Variants in FRK observed in about 807,000 individuals in gnomAD.
FRK encodes tyrosine-protein kinase FRK.
A neutral mutation model predicts 56.4 loss-of-function variants in FRK; 51 were observed. The ratio of observed to expected loss-of-function variants is 0.90; its 90% confidence interval spans 0.72 to 1.14. FRK has a LOEUF of 1.14. Among genes scored for constraint, FRK ranks in the 50% most tolerant of loss-of-function variants. The pLI, the probability that FRK is intolerant of heterozygous loss-of-function variation, is 0.00. For synonymous variants in FRK, 245 were observed against 217.9 expected (o/e 1.12, Z -1.10); for missense variants, 570 against 601.4 (o/e 0.95, Z 0.55).
Position 116,004,006 on chromosome 6 carries a change from G to T in FRK, c.345-8C>A. 1.2e-6 allele frequency: 2 copies of T among 1,609,838 alleles called. No homozygotes were observed. Among genetic ancestry groups the T allele is most frequent in the Non-Finnish European group, 1.7e-6 (2 of 1,177,368 alleles). On this transcript the variant is annotated splice_region_variant and splice_polypyrimidine_tract_variant and intron_variant, in intron 1 of 7. Coordinates refer to ENST00000606080, the MANE Select transcript of FRK (RefSeq NM_002031.3). The stretch of plus-strand genomic sequence containing the variant: ...ATTGCTCCAAAGAACCACCTAAAAA[G>T]AGAGATATGTAAATGTTAAGTAACC...
At chr6:115,988,808 TATTTG>T (rs1235954604) in intron 2 of FRK, among the ~76,000 whole-genome samples, 2 of 152,022 alleles carry the variant, frequency 1.3e-5, no homozygotes, top group African/African-American at 2.4e-5. Flanking sequence ...TTACATATCT[TATTTG>T]ATTTAAGAAT....
In FRK at chr6:115,940,721, A is replaced by G. The variant is rs1772141464; in HGVS notation, c.*1693T>C. ...AGATATTTATGCAGCCAACAGACAT[A>G]TGAAAAAAAGCTCATCATCTGATCA... On this transcript the variant is annotated 3_prime_UTR_variant, in exon 8 of 8. Transcript: ENST00000606080. The G allele has an allele frequency of 6.6e-6, 1 of 152,208 alleles. No individual in the cohort carries two copies. Among genetic ancestry groups the G allele is most frequent in the Non-Finnish European group, 1.5e-5 (1 of 68,028 alleles). 9.4% of individuals were successfully genotyped at this position (152,208 alleles called of 1,614,324 possible).
intron 1 of FRK, among the ~76,000 whole-genome samples, chr6:116,043,169 C>G (rs1197080242): frequency 6.6e-6 from 1 of 152,110 alleles, no homozygotes; most frequent in African/African-American, 2.4e-5. Context: ...TAATATTAGA[C>G]AGACCAAAAT....
At chr6:116,049,028 G>C (rs1485464255) in intron 1 of FRK, among the ~76,000 whole-genome samples, 1 of 150,986 alleles carries the variant, frequency 6.6e-6, no homozygotes, top group Non-Finnish European at 1.5e-5. Flanking sequence ...ATAACCTCAA[G>C]CCATGGACCT....
the FRK span, among the ~76,000 whole-genome samples, chr6:116,076,149 T>A: frequency 1.3e-5 from 2 of 152,214 alleles, no homozygotes; most frequent in East Asian, 1.9e-4. Context: ...TGTTTCTGTA[T>A]GAGAACTCTC....
chr6:115,977,429 G>A (rs1468093698), intron 2 of FRK, among the ~76,000 whole-genome samples: 8 of 152,096 alleles, frequency 5.3e-5, no homozygotes, highest in African/African-American at 7.2e-5. Context: ...CTCAAAGGGC[G>A]CTTGGCTCCC....
chr6:116,019,941 G>C (rs1331441053), intron 1 of FRK, among the ~76,000 whole-genome samples: 1 of 152,092 alleles, frequency 6.6e-6, no homozygotes, highest in Non-Finnish European at 1.5e-5. Context: ...AGGTAGGCTT[G>C]GTTGCATAAG....
chr6:116,036,722 A>AG (rs1183425462), intron 1 of FRK, among the ~76,000 whole-genome samples: 1 of 152,166 alleles, frequency 6.6e-6, no homozygotes, highest in Non-Finnish European at 1.5e-5. Context: ...AAGGAAAAAA[A>AG]TAATACTTTA....
At chr6:115,981,968 G>A (rs566236078) in intron 2 of FRK, among the ~76,000 whole-genome samples, 1 of 152,218 alleles carries the variant, frequency 6.6e-6, no homozygotes, top group East Asian at 1.9e-4. Context: ...AAAGGTTACT[G>A]TGATGGTTAC....
chr6:116,030,933 T>G (rs897383117), intron 1 of FRK, among the ~76,000 whole-genome samples: 1 of 152,136 alleles, frequency 6.6e-6, no homozygotes, highest in African/African-American at 2.4e-5. Context: ...CCTTAAGCTG[T>G]GCAGTCAGTA....
the FRK span, among the ~76,000 whole-genome samples, chr6:116,096,010 T>C: frequency 2.0e-5 from 3 of 152,354 alleles, no homozygotes; most frequent in Admixed American, 1.3e-4. Flanking sequence ...ATGACAGCCA[T>C]CTTGCCATTA....
the FRK span, among the ~76,000 whole-genome samples, chr6:116,077,564 GATTT>G: frequency 1.3e-5 from 2 of 152,108 alleles, no homozygotes; most frequent in Non-Finnish European, 2.9e-5. Context: ...TCTCTCCTCT[GATTT>G]ATTTAAACTG....
At chr6:115,984,151 T>A (rs1774307159) in intron 2 of FRK, among the ~76,000 whole-genome samples, 1 of 152,066 alleles carries the variant, frequency 6.6e-6, no homozygotes, top group Admixed American at 6.6e-5. Flanking sequence ...GCATCCACTG[T>A]GTATCTACCT....
intron 1 of FRK, among the ~76,000 whole-genome samples, chr6:116,031,396 A>T (rs1582735006): frequency 6.6e-6 from 1 of 152,292 alleles, no homozygotes; most frequent in South Asian, 2.1e-4. Flanking sequence ...TTATAACATA[A>T]CATATTACTT....
At chr6:116,011,587 T>C (rs1775470476) in intron 1 of FRK, among the ~76,000 whole-genome samples, 1 of 152,144 alleles carries the variant, frequency 6.6e-6, no homozygotes. Context: ...AGCTCAGGGT[T>C]AGCAGTGTCT....
chr6:116,056,894 G>A (rs1487174712), intron 1 of FRK, among the ~76,000 whole-genome samples: 1 of 152,204 alleles, frequency 6.6e-6, no homozygotes, highest in Non-Finnish European at 1.5e-5. Flanking sequence ...AAGATATTCA[G>A]TAAAGGTGAA....
intron 4 of FRK, among the ~76,000 whole-genome samples, chr6:115,958,403 G>A (rs1773100687): frequency 6.6e-6 from 1 of 152,068 alleles, no homozygotes; most frequent in Admixed American, 6.6e-5. Context: ...AAGGCAGGCG[G>A]ATAACTTGAG....
intron 2 of FRK, among the ~76,000 whole-genome samples, chr6:115,985,766 G>A (rs1055214008): frequency 4.6e-5 from 7 of 151,926 alleles, no homozygotes; most frequent in African/African-American, 1.7e-4. Flanking sequence ...CAGGACTGAT[G>A]CTACAACTAT....
At chr6:115,993,533 G>A (rs1278210227) in intron 2 of FRK, among the ~76,000 whole-genome samples, 7 of 151,450 alleles carry the variant, frequency 4.6e-5, no homozygotes, top group East Asian at 1.9e-4. Context: ...CTGCCAACAC[G>A]AATTTAAACA....
Sources: allele counts gnomAD v4.1 joint callset (sites outside exome capture counted in the v4.1 genomes callset), GRCh38; gene constraint gnomAD v4.1.1; transcripts MANE v1.5; gene names NCBI Gene and HGNC (gene_info 2026-07-23, HGNC 2026-07-21).